The following ANK3 variants were observed in gnomAD, a reference collection of about 807,000 sequenced individuals.
ANK3 encodes the protein ankyrin-3.
In ANK3, 57 loss-of-function variants were observed where a neutral mutation model predicts 370.9. That is an observed-to-expected ratio of 0.15 (90% CI 0.12 to 0.19). The LOEUF (loss-of-function observed/expected upper bound fraction) is 0.19. Ranked by LOEUF, ANK3 falls within the 10% of genes least tolerant of loss-of-function variation. The pLI, the probability that ANK3 is intolerant of heterozygous loss-of-function variation, is 1.00. For synonymous variants in ANK3, 1,929 were observed against 1,946.3 expected, an observed-to-expected ratio of 0.99 and a Z score of 0.23; for missense variants, 4,439 against 5,302.1, an observed-to-expected ratio of 0.84 and a Z score of 5.06.
At chr10:60,358,515 G>A (rs1389572680) in intron 1 of ANK3, among the ~76,000 whole-genome samples, 1 of 152,170 alleles carries the variant, frequency 6.6e-6, no homozygotes, top group African/African-American at 2.4e-5. Context: ...ATGATGGGGT[G>A]CTCTGTGCTC....
chr10:60,051,546 C>A, intron 42 of ANK3: 1 of 985,660 alleles, frequency 1.0e-6, no homozygotes, highest in Non-Finnish European at 1.2e-6. Context: ...GAATCACTCT[C>A]ACTGTCTTTC....
In ANK3 at chr10:60,076,292, T is replaced by C. The variant is rs139640225; in HGVS notation, c.4589A>G (p.Asn1530Ser). 1 of 1,613,944 alleles carries C rather than the reference T, an allele frequency of 6.2e-7. No homozygotes were observed. Among genetic ancestry groups the C allele is most frequent in the African/African-American group, 1.3e-5 (1 of 74,904 alleles). Residue 1530 changes from asparagine (N) to serine (S), a missense_variant, in exon 37 of 44, where the codon AAT (asparagine) becomes AGT (serine). By Grantham distance (46) the Asn-to-Ser change is conservative. Transcript: ENST00000280772. ...TTTTAACGGAGAAGCTGATGGCGTA[T>C]TAGAGGAAGAACTTGATAAGGAAGT... ...GFTSLSSSSS[N>S]TPSASPLKSI... is the part of the protein sequence containing the mutation.
At chr10:60,511,452 T>C (rs1194273400) in intron 2 of ANK3, among the ~76,000 whole-genome samples, 1 of 152,172 alleles carries the variant, frequency 6.6e-6, no homozygotes. Context: ...AGAGCAGTAG[T>C]ACAATCTGTG....
At chr10:60,117,113 G>C (rs902284897) in intron 25 of ANK3, among the ~76,000 whole-genome samples, 2 of 152,112 alleles carry the variant, frequency 1.3e-5, no homozygotes, top group Non-Finnish European at 2.9e-5. Flanking sequence ...TTAAAAACAA[G>C]TATAAACTAG....
intron 2 of ANK3, among the ~76,000 whole-genome samples, chr10:60,453,448 G>A (rs1049972206): frequency 9.2e-5 from 14 of 152,138 alleles, no homozygotes; most frequent in African/African-American, 3.1e-4. Flanking sequence ...GTGGTGTTCT[G>A]TTCTCAAAGA....
At chr10:60,621,451 C>T (rs752053047) in intron 1 of ANK3, among the ~76,000 whole-genome samples, 7 of 152,158 alleles carry the variant, frequency 4.6e-5, no homozygotes, top group Non-Finnish European at 1.0e-4. Flanking sequence ...AATAAATGAA[C>T]TGAGATGATT....
intron 2 of ANK3, among the ~76,000 whole-genome samples, chr10:60,521,163 A>G (rs2076337918): frequency 6.6e-6 from 1 of 152,068 alleles, no homozygotes; most frequent in African/African-American, 2.4e-5. Flanking sequence ...AGCTTTAAAG[A>G]GGTTATTTCT....
At position 60,389,704 on chromosome 10, in the gene ANK3, CT is replaced by C. The variant is rs1442732031; in HGVS notation, c.-167del. ...TGCAAAGATGCTGGAGAAGCTGAAG[CT>C]TTTAAAAACCCAAATGATGGTGTCC... On this transcript the variant is annotated 5_prime_UTR_variant, in exon 1 of 44. Transcript: ENST00000280772. 1 of 1,441,508 alleles carries C rather than the reference CT, an allele frequency of 6.9e-7. No individual in the cohort carries two copies. Among genetic ancestry groups the C allele is most frequent in the African/African-American group, 1.4e-5 (1 of 69,712 alleles). The allele number at this position is 1,441,508 out of a possible 1,614,324, so 89.3% of individuals were successfully genotyped here.
At chr10:60,446,006 G>A (rs916294206) in intron 2 of ANK3, among the ~76,000 whole-genome samples, 3 of 152,140 alleles carry the variant, frequency 2.0e-5, no homozygotes, top group Admixed American at 2.0e-4. Context: ...ATTACAACCT[G>A]TTTGTTCAGA....
intron 1 of ANK3, among the ~76,000 whole-genome samples, chr10:60,285,143 T>G (rs139602985): frequency 2.8e-4 from 42 of 152,252 alleles, no homozygotes; most frequent in African/African-American, 9.4e-4. Context: ...TCTTAGTGTT[T>G]GGTAAGTTTT....
intron 1 of ANK3, among the ~76,000 whole-genome samples, chr10:60,692,700 A>C (rs2079373944): frequency 6.6e-6 from 1 of 152,230 alleles, no homozygotes. Flanking sequence ...AATCAGAAAG[A>C]AATCAGACTC....
intron 1 of ANK3, among the ~76,000 whole-genome samples, chr10:60,375,440 C>T (rs2060643759): frequency 6.6e-6 from 1 of 151,902 alleles, no homozygotes; most frequent in Non-Finnish European, 1.5e-5. Context: ...AGTCAAGCAG[C>T]ACTGCCAGTG....
chr10:60,565,063 G>C lies in ANK3; in HGVS notation c.96+50123C>G, dbSNP rs774404098. On this transcript the variant is annotated intron_variant, in intron 2 of 43. Transcript: ENST00000373827. ...ATGAAAGTATATATTCTGGGCCATG[G>C]TCCAATGGAACATATAGTCCTACGA... Among the ~76,000 whole-genome samples the C allele has an allele frequency of 7.1e-4, 108 of 152,014 alleles. 1 individual carries two copies. Among genetic ancestry groups the C allele is most frequent in the Non-Finnish European group, 1.1e-3 (76 of 67,988 alleles).
At chr10:60,490,481 G>GC (rs113727922) in intron 2 of ANK3, among the ~76,000 whole-genome samples, 19,819 of 152,062 alleles carry the variant, frequency 0.13, 1,512 homozygotes, top group African/African-American at 0.21. Context: ...GAAAAATCAG[G>GC]AAAGAAGACT....
chr10:60,301,322 AC>A (rs1281022444), intron 1 of ANK3, among the ~76,000 whole-genome samples: 1 of 146,904 alleles, frequency 6.8e-6, no homozygotes, highest in Non-Finnish European at 1.5e-5. Flanking sequence ...ACATACACAC[AC>A]GTGTGTATAT....
intron 41 of ANK3, among the ~76,000 whole-genome samples, chr10:60,057,049 T>C (rs948990838): frequency 2.0e-5 from 3 of 152,192 alleles, no homozygotes; most frequent in African/African-American, 7.2e-5. Context: ...GTCAAGACTG[T>C]GGTATTCCCC....
chr10:60,214,823 C>T (rs889418732), intron 8 of ANK3, among the ~76,000 whole-genome samples: 3 of 152,096 alleles, frequency 2.0e-5, no homozygotes, highest in Admixed American at 6.6e-5. Context: ...AATAAACATA[C>T]GTGTGCATAT....
At chr10:60,262,095 G>T (rs113729078) in intron 6 of ANK3, 138 bp from the exon 7 acceptor site, 4 of 679,206 alleles carry the variant, frequency 5.9e-6, no homozygotes, top group African/African-American at 3.6e-5. Context: ...ACTAGGTTTC[G>T]ATCAGTGCCA....
intron 1 of ANK3, among the ~76,000 whole-genome samples, chr10:60,698,923 A>AAT (rs1426742548): frequency 1.6e-5 from 2 of 124,238 alleles, no homozygotes; most frequent in African/African-American, 6.0e-5. Flanking sequence ...ATAATAATAA[A>AAT]GAAAAATAAA....
Sources: gnomAD v4.1 joint callset for allele counts (sites outside exome capture counted in the v4.1 genomes callset) on GRCh38, gnomAD v4.1.1 for gene constraint, MANE v1.5 for transcripts, NCBI Gene and HGNC (gene_info 2026-07-23, HGNC 2026-07-21) for gene names.